ATP2B4: variants seen among roughly 807,000 people sequenced by gnomAD.
The protein encoded by ATP2B4 is ATPase plasma membrane Ca2+ transporting 4.
In ATP2B4, 39 loss-of-function variants were observed where a neutral mutation model predicts 110.3. The observed-to-expected ratio is 0.35, with a 90% CI of 0.27 to 0.46. The LOEUF is 0.46. ATP2B4 is among the 20% of genes least tolerant of loss of function. The pLI, the probability that ATP2B4 is intolerant of heterozygous loss-of-function variation, is 1.00. For missense variants in ATP2B4, 1,135 were observed against 1,530.9 expected (o/e 0.74, Z 4.32); for synonymous variants, 538 against 571.7 (o/e 0.94, Z 0.84).
At chr1:203,724,015 C>T (rs1206595210) in intron 19 of ATP2B4, 27 bp downstream of exon 19, 6 of 1,574,622 alleles carry the variant, frequency 3.8e-6, no homozygotes. Context: ...CCTCCTGGTG[C>T]ATTCTCACAG....
intron 1 of ATP2B4, among the ~76,000 whole-genome samples, chr1:203,637,104 C>T (rs1490535730): frequency 6.6e-6 from 1 of 152,172 alleles, no homozygotes; most frequent in African/African-American, 2.4e-5. Context: ...GGCACATAAT[C>T]CCCCCAAAAG....
In ATP2B4 at chr1:203,627,143, C is replaced by T. The variant is rs1663114549; in HGVS notation, c.-541C>T. On this transcript the variant is annotated 5_prime_UTR_variant, in exon 1 of 21. Coordinates refer to ENST00000357681, the MANE Select transcript of ATP2B4 (RefSeq NM_001684.5). Reference sequence around the variant, plus strand: ...ACTGGGGAGACTGGTGGGTGGTCACCCCACCCTACCCTCATCCATGGAAAC... The same window carrying T: ...ACTGGGGAGACTGGTGGGTGGTCACTCCACCCTACCCTCATCCATGGAAAC... 6.6e-6 allele frequency: 1 copy of T among 152,244 alleles called. No individual in the cohort carries two copies. The allele number at this position is 152,244 out of a possible 1,614,324, so 9.4% of individuals were successfully genotyped here.
chr1:203,659,409 C>T (rs1197561186), intron 1 of ATP2B4, among the ~76,000 whole-genome samples: 1 of 152,114 alleles, frequency 6.6e-6, no homozygotes, highest in East Asian at 1.9e-4. Flanking sequence ...TGGCTCACAC[C>T]CATAATCCCA....
chr1:203,656,157 C>G (rs115954943), intron 1 of ATP2B4, among the ~76,000 whole-genome samples: 2,966 of 152,062 alleles, frequency 0.02, 97 homozygotes, highest in African/African-American at 0.066. Context: ...GTGCTTTCAC[C>G]AAGTTACAAC....
At chr1:203,714,405 TC>T in intron 15 of ATP2B4, 128 bp downstream of exon 15, 1 of 828,496 alleles carries the variant, frequency 1.2e-6, no homozygotes, top group African/African-American at 1.7e-5. Context: ...TCCAACTCCA[TC>T]TCTCCTATCT....
intron 6 of ATP2B4, 108 bp downstream of exon 6, chr1:203,701,031 A>C (rs1665676763): frequency 1.4e-6 from 2 of 1,389,966 alleles, no homozygotes; most frequent in Non-Finnish European, 1.9e-6. Context: ...ATCTGCTGCC[A>C]TGAAGAAAGC....
intron 1 of ATP2B4, among the ~76,000 whole-genome samples, chr1:203,649,689 G>A (rs998622329): frequency 6.6e-6 from 1 of 152,130 alleles, no homozygotes; most frequent in African/African-American, 2.4e-5. Flanking sequence ...AGCTACTCAA[G>A]AGGCTGAGGT....
chr1:203,709,375 A>G lies in ATP2B4; in HGVS notation c.1632A>G (p.Thr544=). The G allele has an allele frequency of 6.2e-7, 1 of 1,614,212 alleles. No homozygotes were observed. Residue 544 remains threonine (T), a synonymous_variant, in exon 11 of 21, where the codon ACA becomes ACG. Transcript: ENST00000357681. ...AGTGTGCTCTGCTAGGCTTTGTCAC[A>G]GATCTGAAGCAGGATTATCAGGCTG... The part of the protein sequence containing the change: ...KTECALLGFV[T]DLKQDYQAVR...
chr1:203,739,591 C>G lies in ATP2B4; in HGVS notation c.3355C>G (p.Gln1119Glu). 2 of 1,614,132 alleles carry G rather than the reference C, an allele frequency of 1.2e-6. No individual in the cohort carries two copies. The highest frequency in any genetic ancestry group is 1.7e-6 in the Non-Finnish European group (2 of 1,180,020). ...CCATAGTTCCCTCCACGAAAGCATT[C>G]AGAAACCCTACAACCAAAAGTCCAT... The part of the protein sequence containing the change: ...AFHSSLHESI[Q>E]KPYNQKSIHS... The change falls in exon 21 of 21, where the codon CAG becomes GAG. Residue 1119 changes from glutamine to glutamate, a missense_variant. Physicochemically the swap from Gln to Glu is conservative, Grantham distance 29 (BLOSUM62 2). Transcript: ENST00000357681.
intron 15 of ATP2B4, among the ~76,000 whole-genome samples, chr1:203,717,800 G>T (rs1235610936): frequency 6.6e-6 from 1 of 151,822 alleles, no homozygotes; most frequent in African/African-American, 2.4e-5. Context: ...CTGCCACCAA[G>T]CCTGGCTAAT....
At chr1:203,671,682 A>G (rs538468808) in intron 1 of ATP2B4, among the ~76,000 whole-genome samples, 3 of 152,296 alleles carry the variant, frequency 2.0e-5, no homozygotes, top group African/African-American at 4.8e-5. Context: ...TTACTCATCC[A>G]TCAGCATCTG....
At chr1:203,654,954 T>G (rs1664113839) in intron 1 of ATP2B4, among the ~76,000 whole-genome samples, 1 of 150,764 alleles carries the variant, frequency 6.6e-6, no homozygotes, top group Non-Finnish European at 1.5e-5. Context: ...AATATCAACA[T>G]TAACAGGAGT....
chr1:203,672,199 C>T (rs958011644), intron 1 of ATP2B4, among the ~76,000 whole-genome samples: 5 of 152,148 alleles, frequency 3.3e-5, no homozygotes, highest in African/African-American at 4.8e-5. Context: ...GGCCAGAGGC[C>T]GCACCTTCCC....
rs61155025 is a variant in ATP2B4, at chr1:203,643,706, A to G, written c.-465+16487A>G. ...TCCCAGTTTCTCAGGGATGGCATCC[A>G]ATGATGGGAGATGGTTTCAGATGCA... is the stretch of plus-strand genomic sequence containing the variant. On this transcript the variant is annotated intron_variant, in intron 1 of 20. Transcript: ENST00000357681. Among the ~76,000 whole-genome samples, 813 of 152,326 alleles carry G rather than the reference A, an allele frequency of 5.3e-3. 8 individuals carry two copies. Among genetic ancestry groups the G allele is most frequent in the African/African-American group, 0.018 (734 of 41,572 alleles).
rs748248643 is a variant in ATP2B4, at chr1:203,683,217, A to T, written c.12A>T (p.Pro4=). The change falls in exon 2 of 21, where the codon CCA becomes CCT. Residue 4 remains proline, a synonymous_variant. Coordinates refer to ENST00000357681, the MANE Select transcript of ATP2B4 (RefSeq NM_001684.5). The stretch of plus-strand genomic sequence containing the variant: ...TAACAGCAGGCAAAATGACGAACCC[A>T]TCAGACCGTGTCTTGCCTGCCAACT... MTN[P]SDRVLPANSM... The T allele has an allele frequency of 1.5e-5, 25 of 1,613,918 alleles. No individual in the cohort carries two copies. In the South Asian group the frequency reaches 2.7e-4, roughly 18 times the overall value.
At chr1:203,730,988 T>G (rs1159178707) in intron 20 of ATP2B4, among the ~76,000 whole-genome samples, 1 of 152,192 alleles carries the variant, frequency 6.6e-6, no homozygotes, top group Non-Finnish European at 1.5e-5. Flanking sequence ...ACGTTGATCT[T>G]TGTTGTCATT....
rs1284387523 is a variant in ATP2B4, at chr1:203,629,595, C to T, written c.-465+2376C>T. On this transcript the variant is annotated intron_variant, in intron 1 of 20. Coordinates refer to ENST00000357681, the MANE Select transcript of ATP2B4 (RefSeq NM_001684.5). The surrounding 1 kb of genome is among the most constrained non-coding windows in gnomAD (Gnocchi z 4.6). ...GCTCGGGGCAGGATTGACTGCGCAA[C>T]CCTGCGGCCCCTGTGCTCTCCGCGG... 1.3e-5 allele frequency among the ~76,000 whole-genome samples: 2 copies of T among 152,162 alleles called. No individual in the cohort carries two copies. Among genetic ancestry groups the T allele is most frequent in the African/African-American group, 4.8e-5 (2 of 41,438 alleles).
intron 20 of ATP2B4, among the ~76,000 whole-genome samples, chr1:203,735,010 A>G (rs1666843104): frequency 6.6e-6 from 1 of 151,290 alleles, no homozygotes; most frequent in Admixed American, 6.6e-5. Context: ...CTCAAAAAAA[A>G]AAAAAAAAAA....
At chr1:203,651,576 T>C (rs999958820) in intron 1 of ATP2B4, among the ~76,000 whole-genome samples, 11 of 152,190 alleles carry the variant, frequency 7.2e-5, no homozygotes, top group African/African-American at 2.7e-4. Context: ...AAACATATTA[T>C]TTGTACTTGC....
Sources: gnomAD v4.1 joint callset for allele counts (sites outside exome capture counted in the v4.1 genomes callset) on GRCh38, gnomAD v4.1.1 for gene constraint, Gnocchi (gnomAD v3.1) non-coding constraint, MANE v1.5 for transcripts, NCBI Gene and HGNC (gene_info 2026-07-23, HGNC 2026-07-21) for gene names.